MAP3K4: variants seen among roughly 807,000 people sequenced by gnomAD.
MAP3K4 encodes mitogen-activated protein kinase kinase kinase 4.
Under a neutral mutation model 185.6 loss-of-function variants are expected in MAP3K4, and 67 were observed. That is an observed-to-expected ratio of 0.36 (90% CI 0.30 to 0.44). The LOEUF (loss-of-function observed/expected upper bound fraction) is 0.44, where lower values mean the gene tolerates loss of function less well. MAP3K4 is among the 20% of genes least tolerant of loss of function. MAP3K4 has a pLI of 1.00. For missense variants in MAP3K4, 1,551 were observed against 1,995.1 expected (o/e 0.78, Z 4.24); for synonymous variants, 702 against 710.4 (o/e 0.99, Z 0.19).
intron 1 of MAP3K4, among the ~76,000 whole-genome samples, chr6:161,013,159 C>T (rs559162685): frequency 6.6e-6 from 1 of 152,322 alleles, no homozygotes; most frequent in South Asian, 2.1e-4. Flanking sequence ...TGTATTCTTT[C>T]TAGCTTCCAG....
In MAP3K4 at chr6:161,048,262, C is replaced by T. The variant is rs556832599; in HGVS notation, c.344-354C>T. The T allele has an allele frequency of 2.7e-5, 15 of 546,688 alleles. No individual in the cohort carries two copies. Among genetic ancestry groups the T allele is most frequent in the South Asian group, 2.1e-4 (15 of 71,558 alleles). 33.9% of individuals were successfully genotyped at this position (546,688 alleles called of 1,614,324 possible). The stretch of plus-strand genomic sequence containing the variant: ...CTCATCCAGGTGTCCGTCAGATCTC[C>T]CATGCTGTTTCTTCCTCCTTAAATT... On this transcript the variant is annotated intron_variant, in intron 2 of 26. Transcript: ENST00000392142. This position sits in a 1 kb window ranked among gnomAD's most constrained non-coding sequence, Gnocchi z 4.7.
intron 1 of MAP3K4, among the ~76,000 whole-genome samples, chr6:160,999,934 T>C (rs1781189205): frequency 2.0e-5 from 3 of 152,228 alleles, no homozygotes; most frequent in South Asian, 2.1e-4. Context: ...CGTGAAACTT[T>C]TATTTCTTGC....
In MAP3K4 at chr6:161,075,066, A is replaced by G. The variant is rs1323944966; in HGVS notation, c.2097+1454A>G. 6.6e-6 allele frequency among the ~76,000 whole-genome samples: 1 copy of G among 152,244 alleles called. No individual in the cohort carries two copies. Among genetic ancestry groups the G allele is most frequent in the East Asian group, 1.9e-4 (1 of 5,204 alleles). On this transcript the variant is annotated intron_variant, in intron 5 of 26. Transcript: ENST00000392142. The surrounding 1 kb of genome is among the most constrained non-coding windows in gnomAD (Gnocchi z 4.3). Reference sequence around the variant, plus strand: ...GGGAATGAGACATATTATATCTGGCATATTGCAAGAAATCATTTTAATGAG... The same window carrying G: ...GGGAATGAGACATATTATATCTGGCGTATTGCAAGAAATCATTTTAATGAG...
At chr6:161,072,673 C>T (rs908118304) in intron 4 of MAP3K4, among the ~76,000 whole-genome samples, 7 of 152,168 alleles carry the variant, frequency 4.6e-5, no homozygotes, top group African/African-American at 1.7e-4. Context: ...TATCAGTTTA[C>T]CTTTCCATTA....
chr6:160,997,437 G>C (rs1781049835), intron 1 of MAP3K4, among the ~76,000 whole-genome samples: 1 of 152,158 alleles, frequency 6.6e-6, no homozygotes, highest in African/African-American at 2.4e-5. Flanking sequence ...AACCACATCA[G>C]AATTCTATCC....
Position 160,994,990 on chromosome 6 carries a change from C to T in MAP3K4, c.152+2907C>T, listed in dbSNP as rs148195218. 3.4e-3 allele frequency among the ~76,000 whole-genome samples: 512 copies of T among 152,300 alleles called. 5 individuals are homozygous for T. The highest frequency in any genetic ancestry group is 3.4e-3 in the Non-Finnish European group (230 of 68,022). On this transcript the variant is annotated intron_variant, in intron 1 of 26. Coordinates refer to ENST00000392142, the MANE Select transcript of MAP3K4 (RefSeq NM_005922.4). ...TTGGGATTACAGGCGTGAGCCACTG[C>T]GCCTGGCCAGTTTTTTAAGGAATCT...
intron 1 of MAP3K4, among the ~76,000 whole-genome samples, chr6:161,012,415 C>T (rs1354299513): frequency 6.6e-6 from 1 of 152,092 alleles, no homozygotes; most frequent in Non-Finnish European, 1.5e-5. Flanking sequence ...ATAAAGCATG[C>T]CCTGCCTTCA....
chr6:161,066,036 AT>A (rs1239573300), intron 3 of MAP3K4, among the ~76,000 whole-genome samples: 1 of 151,970 alleles, frequency 6.6e-6, no homozygotes, highest in Non-Finnish European at 1.5e-5. Flanking sequence ...ATTTTGGAGC[AT>A]TTCAGATTTT....
intron 2 of MAP3K4, among the ~76,000 whole-genome samples, chr6:161,036,681 G>T (rs1042094169): frequency 1.3e-5 from 2 of 152,010 alleles, no homozygotes; most frequent in Non-Finnish European, 2.9e-5. Context: ...GCTTACTATC[G>T]GTTAATCACT....
chr6:161,055,344 A>G (rs1316927699), intron 3 of MAP3K4, among the ~76,000 whole-genome samples: 1 of 152,250 alleles, frequency 6.6e-6, no homozygotes, highest in African/African-American at 2.4e-5. Flanking sequence ...CATATATAAA[A>G]GATTTATCCT....
rs765211578 is a variant in MAP3K4 at position 161,101,750 on chromosome 6, C to G, written c.3675-142C>G. The G allele has an allele frequency of 1.0e-5, 7 of 676,326 alleles. No homozygotes were observed. The South Asian group carries it at 1.1e-4, about 11-fold the overall frequency. 41.9% of individuals were successfully genotyped at this position (676,326 alleles called of 1,614,324 possible). A position where few individuals can be genotyped will look rare whatever the true frequency, so the allele number is the denominator to read the frequency against. On this transcript the variant is annotated intron_variant, in intron 17 of 26. Coordinates refer to ENST00000392142, the MANE Select transcript of MAP3K4 (RefSeq NM_005922.4). The surrounding 1 kb of genome is among the most constrained non-coding windows in gnomAD (Gnocchi z 5.1). ...GCCAGTAGCACCCTCCCAAAAGTGT[C>G]TAATACATTGCTGGAGGCAGAGTTG... is the stretch of plus-strand genomic sequence containing the variant.
In MAP3K4 at chr6:161,109,151, T is replaced by C. The variant is rs1336374284; in HGVS notation, c.4236+292T>C. 1.0e-5 allele frequency: 7 copies of C among 672,790 alleles called. No homozygotes were observed. Among genetic ancestry groups the C allele is most frequent in the Non-Finnish European group, 1.7e-5 (7 of 408,954 alleles). 41.7% of individuals were successfully genotyped at this position (672,790 alleles called of 1,614,324 possible). A position where few individuals can be genotyped will look rare whatever the true frequency, so the allele number is the denominator to read the frequency against. On this transcript the variant is annotated intron_variant, in intron 22 of 26. Coordinates refer to ENST00000392142, the MANE Select transcript of MAP3K4 (RefSeq NM_005922.4). This position sits in a 1 kb window ranked among gnomAD's most constrained non-coding sequence, Gnocchi z 5.7. The stretch of plus-strand genomic sequence containing the variant: ...CCTTACACCACTTCTTGTGACTTTT[T>C]TTCCGTTTTTTTGCTGAACCACTGT...
rs992324716 is a variant in MAP3K4 at position 161,080,650 on chromosome 6, G to C, written c.2098-231G>C. The C allele has an allele frequency of 2.1e-5, 10 of 467,254 alleles. No individual in the cohort carries two copies. Among genetic ancestry groups the C allele is most frequent in the Non-Finnish European group, 3.8e-5 (10 of 261,110 alleles). The allele number at this position is 467,254 out of a possible 1,614,324, so 28.9% of individuals were successfully genotyped here. A position where few individuals can be genotyped will look rare whatever the true frequency, so the allele number is the denominator to read the frequency against. ...TTTTTGTTGTTAGGATTTTGAAGGGGTTGTCAATAATATGTTAAATTGCTG... is the reference window on the plus strand; with the variant it reads ...TTTTTGTTGTTAGGATTTTGAAGGGCTTGTCAATAATATGTTAAATTGCTG... On this transcript the variant is annotated intron_variant, in intron 5 of 26. Transcript: ENST00000392142. The surrounding 1 kb of genome is among the most constrained non-coding windows in gnomAD (Gnocchi z 4.8).
chr6:161,092,950 G>A, intron 13 of MAP3K4, 28 bp from the exon 14 acceptor site: 3 of 1,422,436 alleles, frequency 2.1e-6, no homozygotes, highest in South Asian at 1.2e-5. Flanking sequence ...TGGTTGTTAT[G>A]TGATTACTGA....
At position 161,049,615 on chromosome 6, in the gene MAP3K4, A is replaced by T; in HGVS notation, c.1343A>T (p.Glu448Val). 3 of 1,614,182 alleles carry T rather than the reference A, an allele frequency of 1.9e-6. No individual in the cohort carries two copies. The highest frequency in any genetic ancestry group is 2.5e-6 in the Non-Finnish European group (3 of 1,180,028). Reference protein sequence around the residue: ...NEPEYEGDDTEGELKELESST... With the variant: ...NEPEYEGDDTVGELKELESST... ...CCGGAGTATGAGGGTGATGACACAG[A>T]AGGAGAATTAAAGGAGTTGGAAAGT... Residue 448 changes from glutamate to valine, a missense_variant, in exon 3 of 27, where the codon GAA (glutamate) becomes GTA (valine). By Grantham distance (121) the Glu-to-Val change is moderately radical. Around this residue, in one of 16 missense-constraint regions of MAP3K4, gnomAD observed 126 missense variants for 112.8 expected, o/e 1.12. Coordinates refer to ENST00000392142, the MANE Select transcript of MAP3K4 (RefSeq NM_005922.4). This position sits in a 1 kb window ranked among gnomAD's most constrained non-coding sequence, Gnocchi z 8.4.
Position 161,075,346 on chromosome 6 carries a change from C to T in MAP3K4, c.2097+1734C>T, listed in dbSNP as rs554679584. On this transcript the variant is annotated intron_variant, in intron 5 of 26. Coordinates refer to ENST00000392142, the MANE Select transcript of MAP3K4 (RefSeq NM_005922.4). This position sits in a 1 kb window ranked among gnomAD's most constrained non-coding sequence, Gnocchi z 4.3. Reference sequence around the variant, plus strand: ...ATTTTTAAAAATTTTTTTGTAGAGTCAGGGTCTCACTATGTTGCCCAGGCT... The same window carrying T: ...ATTTTTAAAAATTTTTTTGTAGAGTTAGGGTCTCACTATGTTGCCCAGGCT... 6.6e-6 allele frequency among the ~76,000 whole-genome samples: 1 copy of T among 152,046 alleles called. No individual in the cohort carries two copies. The highest frequency in any genetic ancestry group is 2.1e-4 in the South Asian group (1 of 4,808).
At position 161,076,890 on chromosome 6, in the gene MAP3K4, A is replaced by AGG. The variant is rs1198228763; in HGVS notation, c.2097+3283_2097+3284dup. Among the ~76,000 whole-genome samples the AGG allele has an allele frequency of 1.3e-5, 2 of 152,166 alleles. No homozygotes were observed. The highest frequency in any genetic ancestry group is 2.9e-5 in the Non-Finnish European group (2 of 68,030). On this transcript the variant is annotated intron_variant, in intron 5 of 26. Transcript: ENST00000392142. The surrounding 1 kb of genome is among the most constrained non-coding windows in gnomAD (Gnocchi z 4.2). ...AAACTCCCTCTTAGAGTTTAAGAATAGGGGGGTCCATGGTGATTGTAGAAC... is the reference window on the plus strand; with the variant it reads ...AAACTCCCTCTTAGAGTTTAAGAATAGGGGGGGGTCCATGGTGATTGTAGAAC...
chr6:161,007,742 G>A lies in MAP3K4; in HGVS notation c.152+15659G>A, dbSNP rs1254203902. 6.6e-6 allele frequency among the ~76,000 whole-genome samples: 1 copy of A among 152,154 alleles called. No homozygotes were observed. Among genetic ancestry groups the A allele is most frequent in the Admixed American group, 6.5e-5 (1 of 15,274 alleles). On this transcript the variant is annotated intron_variant, in intron 1 of 26. Transcript: ENST00000392142. This position sits in a 1 kb window ranked among gnomAD's most constrained non-coding sequence, Gnocchi z 4.5. ...TAGGCTTTGTTTCTAGTAAGGTCAT[G>A]CTTATTTAACTTATAGATATTGAGC...
At position 161,022,032 on chromosome 6, in the gene MAP3K4, A is replaced by G. The variant is rs1240840498; in HGVS notation, c.153-12227A>G. On this transcript the variant is annotated intron_variant, in intron 1 of 26. Transcript: ENST00000392142. This position sits in a 1 kb window ranked among gnomAD's most constrained non-coding sequence, Gnocchi z 4.2. Reference sequence around the variant, plus strand: ...TAGAATCCTGTTTTCAATGAAAAAGAAAAAAGAAGAGTTGTTGTTAATTCA... The same window carrying G: ...TAGAATCCTGTTTTCAATGAAAAAGGAAAAAGAAGAGTTGTTGTTAATTCA... Among the ~76,000 whole-genome samples, 1 of 152,212 alleles carries G rather than the reference A, an allele frequency of 6.6e-6. No individual in the cohort carries two copies. Among genetic ancestry groups the G allele is most frequent in the Non-Finnish European group, 1.5e-5 (1 of 68,026 alleles).
Sources: allele counts gnomAD v4.1 joint callset (sites outside exome capture counted in the v4.1 genomes callset), GRCh38; gene constraint gnomAD v4.1.1; regional missense constraint gnomAD v4.1.1; non-coding constraint Gnocchi (gnomAD v3.1); transcripts MANE v1.5; gene names NCBI Gene and HGNC (gene_info 2026-07-23, HGNC 2026-07-21).